Variants in SHISA9 observed in about 807,000 individuals in gnomAD.
The protein encoded by SHISA9 is shisa family member 9.
A neutral mutation model predicts 38.0 loss-of-function variants in SHISA9; 13 were observed. The ratio of observed to expected loss-of-function variants is 0.34; its 90% CI spans 0.22 to 0.54. The LOEUF (loss-of-function observed/expected upper bound fraction) is 0.54. SHISA9 is among the 20% of genes least tolerant of loss of function. The pLI, the probability that SHISA9 is intolerant of heterozygous loss-of-function variation, is 0.91. For synonymous variants in SHISA9, 275 were observed against 242.0 expected (o/e 1.14, Z -1.27); for missense variants, 538 against 575.8 (o/e 0.93, Z 0.67).
the SHISA9 span, among the ~76,000 whole-genome samples, chr16:13,309,479 C>T: frequency 6.6e-6 from 1 of 151,790 alleles, no homozygotes. Flanking sequence ...CCCATCTCTA[C>T]TAAAAATACA....
chr16:13,033,922 G>A (rs2073021881), intron 2 of SHISA9, among the ~76,000 whole-genome samples: 1 of 152,180 alleles, frequency 6.6e-6, no homozygotes, highest in East Asian at 1.9e-4. Context: ...AAGGTGGGTG[G>A]ATCACCTGAG....
chr16:13,362,214 CAAA>C, the SHISA9 span, among the ~76,000 whole-genome samples: 1 of 127,512 alleles, frequency 7.8e-6, no homozygotes. Flanking sequence ...GAACGACAGC[CAAA>C]AAAAAAAAAA....
the SHISA9 span, among the ~76,000 whole-genome samples, chr16:13,259,515 C>T: frequency 6.6e-6 from 1 of 152,230 alleles, no homozygotes; most frequent in Admixed American, 6.5e-5. Context: ...CATTTTCCTC[C>T]TGCACTGCCC....
chr16:13,265,727 C>A, the SHISA9 span, among the ~76,000 whole-genome samples: 1 of 151,746 alleles, frequency 6.6e-6, no homozygotes, highest in African/African-American at 2.4e-5. Context: ...ATAATGAAAC[C>A]AATGAGACAC....
chr16:13,278,552 T>G, the SHISA9 span, among the ~76,000 whole-genome samples: 2 of 152,090 alleles, frequency 1.3e-5, no homozygotes, highest in African/African-American at 4.8e-5. Context: ...GTCCCGGAGT[T>G]TTTTTGTTGG....
intron 4 of SHISA9, among the ~76,000 whole-genome samples, chr16:13,217,261 G>A (rs748859043): frequency 5.9e-5 from 9 of 152,120 alleles, no homozygotes; most frequent in Non-Finnish European, 1.2e-4. Flanking sequence ...CTGGGTGACA[G>A]AGTGAGACTC....
chr16:12,957,663 C>A (rs1249787218), intron 2 of SHISA9, among the ~76,000 whole-genome samples: 2 of 152,136 alleles, frequency 1.3e-5, no homozygotes, highest in Non-Finnish European at 2.9e-5. Flanking sequence ...GGGGGAGGTA[C>A]ATAAACATTC....
At chr16:13,097,794 A>G (rs1441660984) in intron 2 of SHISA9, among the ~76,000 whole-genome samples, 1 of 152,132 alleles carries the variant, frequency 6.6e-6, no homozygotes, top group African/African-American at 2.4e-5. Context: ...TGGGGAGTGG[A>G]CAGGAATGAG....
At chr16:13,256,536 T>C in the SHISA9 span, among the ~76,000 whole-genome samples, 2 of 152,194 alleles carry the variant, frequency 1.3e-5, no homozygotes, top group African/African-American at 4.8e-5. Context: ...CACCTCGGCC[T>C]ACTAAAGTGC....
At chr16:13,125,755 C>CT (rs2050250670) in intron 2 of SHISA9, among the ~76,000 whole-genome samples, 1 of 152,184 alleles carries the variant, frequency 6.6e-6, no homozygotes, top group Non-Finnish European at 1.5e-5. Flanking sequence ...ACAAGACTAC[C>CT]TTGACATTAA....
At chr16:13,554,761 C>T in the SHISA9 span, among the ~76,000 whole-genome samples, 1 of 152,148 alleles carries the variant, frequency 6.6e-6, no homozygotes, top group South Asian at 2.1e-4. Context: ...CAAAGAGCCA[C>T]CGTGCCCAGT....
At chr16:13,402,132 T>C in the SHISA9 span, among the ~76,000 whole-genome samples, 1 of 152,150 alleles carries the variant, frequency 6.6e-6, no homozygotes, top group South Asian at 2.1e-4. Flanking sequence ...CAATAGGATA[T>C]ACATAGATAT....
At chr16:13,195,987 C>A (rs571379757) in intron 2 of SHISA9, among the ~76,000 whole-genome samples, 1 of 145,394 alleles carries the variant, frequency 6.9e-6, no homozygotes, top group South Asian at 2.2e-4. Context: ...ACTCGGGAGG[C>A]TGAGGCAGGA....
chr16:13,382,572 C>T, the SHISA9 span, among the ~76,000 whole-genome samples: 65 of 147,220 alleles, frequency 4.4e-4, no homozygotes, highest in Middle Eastern at 4.2e-3. Flanking sequence ...AAAAAACAGG[C>T]GTGGTGGCTT....
chr16:13,397,260 G>C, the SHISA9 span, among the ~76,000 whole-genome samples: 3 of 152,224 alleles, frequency 2.0e-5, no homozygotes, highest in Admixed American at 1.3e-4. Context: ...GGCAGGGCTT[G>C]TAATGGGGGT....
At chr16:12,976,729 G>A (rs987922061) in intron 2 of SHISA9, among the ~76,000 whole-genome samples, 11 of 152,122 alleles carry the variant, frequency 7.2e-5, no homozygotes, top group African/African-American at 2.7e-4. Context: ...TCAAGCAGGT[G>A]AGTGTGACAG....
chr16:13,025,991 A>G (rs1441946060), intron 2 of SHISA9, among the ~76,000 whole-genome samples: 2 of 152,002 alleles, frequency 1.3e-5, no homozygotes, highest in Admixed American at 1.3e-4. Flanking sequence ...TTTTAGTAGA[A>G]ACAGGGTTTC....
chr16:13,324,633 T>C, the SHISA9 span, among the ~76,000 whole-genome samples: 3 of 152,140 alleles, frequency 2.0e-5, no homozygotes, highest in African/African-American at 7.2e-5. Flanking sequence ...GTCAGGGTTC[T>C]CCAAAGAAAT....
chr16:13,098,533 G>T (rs528679172), intron 2 of SHISA9, among the ~76,000 whole-genome samples: 5 of 152,278 alleles, frequency 3.3e-5, no homozygotes, highest in East Asian at 1.9e-4. Context: ...AGTGAGAAAG[G>T]GGGGAGGTTC....
Sources: gnomAD v4.1 joint callset for allele counts (sites outside exome capture counted in the v4.1 genomes callset) on GRCh38, gnomAD v4.1.1 for gene constraint, MANE v1.5 for transcripts, NCBI Gene and HGNC (gene_info 2026-07-23, HGNC 2026-07-21) for gene names.